SPAG16: variants seen among roughly 807,000 people sequenced by gnomAD.
The protein encoded by SPAG16 is sperm associated antigen 16, also known as sperm-associated antigen 16 protein.
In SPAG16, 86 loss-of-function variants were observed where a neutral mutation model predicts 80.4. That is an observed-to-expected ratio of 1.07 (90% confidence interval 0.90 to 1.28). SPAG16 has a LOEUF of 1.28. Among genes scored for constraint, SPAG16 ranks in the 50% most tolerant of loss-of-function variants. SPAG16 has a pLI of 0.00. For missense variants in SPAG16, 870 were observed against 765.3 expected (o/e 1.14, Z -1.61); for synonymous variants, 294 against 265.9 (o/e 1.11, Z -1.03).
intron 9 of SPAG16, among the ~76,000 whole-genome samples, chr2:213,389,151 G>C (rs72939065): frequency 0.015 from 2,343 of 152,182 alleles, 36 homozygotes; most frequent in Non-Finnish European, 0.025. Flanking sequence ...ATAGTACCAA[G>C]ACCAATCAAT....
At chr2:214,350,352 T>G (rs1275634520) in intron 15 of SPAG16, among the ~76,000 whole-genome samples, 1 of 152,248 alleles carries the variant, frequency 6.6e-6, no homozygotes, top group East Asian at 1.9e-4. Flanking sequence ...CTCCGGGCTC[T>G]CTTCTCTGTC....
At chr2:214,338,308 G>C (rs896902628) in intron 15 of SPAG16, among the ~76,000 whole-genome samples, 2 of 151,982 alleles carry the variant, frequency 1.3e-5, no homozygotes, top group South Asian at 4.1e-4. Flanking sequence ...CAGGTCAGGG[G>C]TTCAAGACCA....
At chr2:214,308,387 A>C (rs1412052435) in intron 15 of SPAG16, among the ~76,000 whole-genome samples, 1 of 152,040 alleles carries the variant, frequency 6.6e-6, no homozygotes, top group Non-Finnish European at 1.5e-5. Context: ...GTCCATTTAC[A>C]TTTAAGGTTA....
At chr2:213,949,866 A>C (rs1463093459) in intron 12 of SPAG16, among the ~76,000 whole-genome samples, 2 of 152,214 alleles carry the variant, frequency 1.3e-5, no homozygotes, top group Non-Finnish European at 2.9e-5. Flanking sequence ...CATTAATTGA[A>C]ATGACTTCTT....
intron 10 of SPAG16, among the ~76,000 whole-genome samples, chr2:213,655,173 G>A (rs1173217136): frequency 6.6e-6 from 1 of 152,182 alleles, no homozygotes; most frequent in Non-Finnish European, 1.5e-5. Context: ...TGTAACAAAT[G>A]TACCATTCTG....
intron 15 of SPAG16, among the ~76,000 whole-genome samples, chr2:214,318,567 G>T (rs1363778524): frequency 2.6e-5 from 4 of 151,546 alleles, no homozygotes; most frequent in Non-Finnish European, 5.9e-5. Flanking sequence ...AGAGAGATGG[G>T]GTCTCACCAT....
chr2:213,744,373 A>T (rs2067719306), intron 10 of SPAG16, among the ~76,000 whole-genome samples: 1 of 152,126 alleles, frequency 6.6e-6, no homozygotes, highest in Non-Finnish European at 1.5e-5. Flanking sequence ...CCCCACAGTC[A>T]TCCCAAGCTT....
At chr2:213,647,248 G>A (rs1162177912) in intron 10 of SPAG16, among the ~76,000 whole-genome samples, 1 of 152,058 alleles carries the variant, frequency 6.6e-6, no homozygotes, top group African/African-American at 2.4e-5. Context: ...AAAACAGACA[G>A]CCATGCATGA....
intron 9 of SPAG16, among the ~76,000 whole-genome samples, chr2:213,418,280 CACACATGT>C: frequency 6.6e-6 from 1 of 152,102 alleles, no homozygotes; most frequent in Admixed American, 6.5e-5. Context: ...TATATATATG[CACACATGT>C]ACACTTCTAC....
At chr2:213,492,353 A>G (rs1047582533) in intron 10 of SPAG16, among the ~76,000 whole-genome samples, 3 of 152,172 alleles carry the variant, frequency 2.0e-5, no homozygotes, top group South Asian at 2.1e-4. Flanking sequence ...GATTGAGACC[A>G]TCCTGGCTAA....
intron 15 of SPAG16, among the ~76,000 whole-genome samples, chr2:214,197,635 G>A (rs534176914): frequency 4.6e-5 from 7 of 151,898 alleles, no homozygotes; most frequent in Non-Finnish European, 8.8e-5. Context: ...TAATAAAACT[G>A]TTTTGGGTAC....
At chr2:213,588,210 A>T (rs1418082627) in intron 10 of SPAG16, among the ~76,000 whole-genome samples, 1 of 152,170 alleles carries the variant, frequency 6.6e-6, no homozygotes, top group Non-Finnish European at 1.5e-5. Context: ...AGCATCAAAG[A>T]CACATGCATA....
intron 15 of SPAG16, among the ~76,000 whole-genome samples, chr2:214,159,433 T>C (rs2056349263): frequency 6.6e-6 from 1 of 151,926 alleles, no homozygotes; most frequent in South Asian, 2.1e-4. Flanking sequence ...CAAAATTGAA[T>C]AGATAATCAT....
chr2:213,762,213 A>G (rs556958056), intron 10 of SPAG16, among the ~76,000 whole-genome samples: 1 of 152,336 alleles, frequency 6.6e-6, no homozygotes, highest in Non-Finnish European at 1.5e-5. Flanking sequence ...GGAGGAAGGG[A>G]GAATGAGGAG....
At chr2:213,342,196 C>A (rs2064719889) in intron 6 of SPAG16, among the ~76,000 whole-genome samples, 1 of 151,030 alleles carries the variant, frequency 6.6e-6, no homozygotes, top group Admixed American at 6.6e-5. Flanking sequence ...GTATACAATT[C>A]TATATCTGTG....
At chr2:213,641,374 G>A (rs2125112726) in intron 10 of SPAG16, among the ~76,000 whole-genome samples, 1 of 152,292 alleles carries the variant, frequency 6.6e-6, no homozygotes, top group East Asian at 1.9e-4. Context: ...AAGAAAGCAG[G>A]GCTTTTAGGC....
In SPAG16 at chr2:214,378,578, T is replaced by A. The variant is rs377562098; in HGVS notation, c.1721-31562T>A. Among the ~76,000 whole-genome samples, 5 of 152,316 alleles carry A rather than the reference T, an allele frequency of 3.3e-5. No individual in the cohort carries two copies. In the East Asian group the frequency reaches 5.8e-4, roughly 18 times the overall value. ...TATCAGGAAAGAGCCCACCTTCTCATAATTATCTACCTTGATAGACTTGCA... is the reference window on the plus strand; with the variant it reads ...TATCAGGAAAGAGCCCACCTTCTCAAAATTATCTACCTTGATAGACTTGCA... On this transcript the variant is annotated intron_variant, in intron 15 of 15. Coordinates refer to ENST00000331683, the MANE Select transcript of SPAG16 (RefSeq NM_024532.5).
intron 10 of SPAG16, among the ~76,000 whole-genome samples, chr2:213,658,684 C>T (rs1460228159): frequency 6.6e-6 from 1 of 152,196 alleles, no homozygotes. Context: ...TTAACCATAA[C>T]TGCCAGGAAC....
intron 10 of SPAG16, among the ~76,000 whole-genome samples, chr2:213,640,367 G>T (rs1228498707): frequency 6.6e-6 from 1 of 152,010 alleles, no homozygotes; most frequent in Admixed American, 6.5e-5. Context: ...TTCTCATTTG[G>T]GTAGACTATG....
Sources: gnomAD v4.1 joint callset for allele counts (sites outside exome capture counted in the v4.1 genomes callset) on GRCh38, gnomAD v4.1.1 for gene constraint, MANE v1.5 for transcripts, NCBI Gene and HGNC (gene_info 2026-07-23, HGNC 2026-07-21) for gene names.